The following OS9 variants were observed in gnomAD, a reference collection of about 807,000 sequenced individuals.
OS9 encodes protein OS-9.
OS9 carries 58 observed loss-of-function variants against 84.7 expected under a neutral mutation model. The ratio of observed to expected loss-of-function variants is 0.68; its 90% CI spans 0.55 to 0.85. The LOEUF is 0.85. Among genes scored for constraint, OS9 ranks in the 40% least tolerant of loss-of-function variants. The pLI, the probability that OS9 is intolerant of heterozygous loss-of-function variation, is 0.00. For missense variants in OS9, 760 were observed against 850.9 expected, an observed-to-expected ratio of 0.89 and a Z score of 1.33; for synonymous variants, 278 against 320.8, an observed-to-expected ratio of 0.87 and a Z score of 1.43.
At chr12:57,713,472 C>T (rs906669823) in intron 5 of OS9, among the ~76,000 whole-genome samples, 1 of 152,174 alleles carries the variant, frequency 6.6e-6, no homozygotes, top group Non-Finnish European at 1.5e-5. Flanking sequence ...GAGCAAGCTT[C>T]CGTGAGGGCA....
Position 57,720,126 on chromosome 12 carries a change from T to G in OS9, c.1628T>G (p.Val543Gly). ...GAGGATCCTGAGCACAGAGTCCGGGTCCGGGTCACCAAGCTCCGTCTCGGA... is the reference window on the plus strand; with the variant it reads ...GAGGATCCTGAGCACAGAGTCCGGGGCCGGGTCACCAAGCTCCGTCTCGGA... ...TEEDPEHRVRVRVTKLRLGGP... is the reference protein window; with the variant it reads ...TEEDPEHRVRGRVTKLRLGGP... The change falls in exon 13 of 15, where the codon GTC (valine) becomes GGC (glycine). Residue 543 changes from valine to glycine, a missense_variant. Transcript: ENST00000315970. 6.2e-7 allele frequency: 1 copy of G among 1,613,850 alleles called. No homozygotes were observed. The highest frequency in any genetic ancestry group is 1.7e-5 in the Admixed American group (1 of 59,988).
At chr12:57,719,508 T>C (rs1954614127) in intron 12 of OS9, 1 of 290,590 alleles carries the variant, frequency 3.4e-6, no homozygotes, top group Non-Finnish European at 6.5e-6. Flanking sequence ...GTCTATATGC[T>C]GAAAACCACT....
In OS9 at chr12:57,699,691, G is replaced by A. The variant is rs1460507827; in HGVS notation, c.579+3318G>A. ...GGAAAGTATAAATTCTCTACTTCCA[G>A]GCACCCCTGACCAGTCCTTTGGTTG... On this transcript the variant is annotated intron_variant, in intron 5 of 14. Coordinates refer to ENST00000315970, the MANE Select transcript of OS9 (RefSeq NM_006812.4). 2.0e-5 allele frequency among the ~76,000 whole-genome samples: 3 copies of A among 152,220 alleles called. No homozygotes were observed. In the East Asian group the frequency reaches 5.8e-4, roughly 29 times the overall value.
intron 5 of OS9, among the ~76,000 whole-genome samples, chr12:57,701,701 A>G (rs1954030567): frequency 6.6e-6 from 1 of 152,170 alleles, no homozygotes; most frequent in East Asian, 1.9e-4. Flanking sequence ...TCTTATTGTG[A>G]GTGTACAAGA....
At chr12:57,714,116 A>AG in intron 5 of OS9, among the ~76,000 whole-genome samples, 1 of 152,254 alleles carries the variant, frequency 6.6e-6, no homozygotes, top group East Asian at 1.9e-4. Context: ...GAAAAAAAAA[A>AG]AAAGATTTAG....
intron 12 of OS9, 37 bp downstream of exon 12, chr12:57,719,219 G>A (rs754930650): frequency 6.3e-7 from 1 of 1,581,540 alleles, no homozygotes; most frequent in Non-Finnish European, 8.7e-7. Flanking sequence ...AGCCCAGTCT[G>A]TTGTTTTCAT....
Position 57,719,041 on chromosome 12 carries a change from G to C in OS9, c.1459G>C (p.Asp487His). The change falls in exon 12 of 15, where the codon GAT becomes CAT. Residue 487 changes from aspartate to histidine, a missense_variant. Physicochemically the swap from Asp to His is moderately conservative, Grantham distance 81. Coordinates refer to ENST00000315970, the MANE Select transcript of OS9 (RefSeq NM_006812.4). ...TGGGCTGAAGAAGGAGTCAGAGCGG[G>C]ATCGGGCAATGCTGGCTCTCACATC... is the stretch of plus-strand genomic sequence containing the variant. Reference protein sequence around the residue: ...PDGLKKESERDRAMLALTSTL... With the variant: ...PDGLKKESERHRAMLALTSTL... The C allele has an allele frequency of 6.2e-7, 1 of 1,614,114 alleles. No individual in the cohort carries two copies. The highest frequency in any genetic ancestry group is 8.5e-7 in the Non-Finnish European group (1 of 1,180,010).
At chr12:57,698,601 T>C (rs756660661) in intron 5 of OS9, among the ~76,000 whole-genome samples, 12 of 152,138 alleles carry the variant, frequency 7.9e-5, no homozygotes, top group Non-Finnish European at 1.2e-4. Flanking sequence ...AAAGTGACCT[T>C]TGAACTGACA....
At chr12:57,713,135 C>T (rs761126984) in intron 5 of OS9, among the ~76,000 whole-genome samples, 1 of 152,168 alleles carries the variant, frequency 6.6e-6, no homozygotes, top group Non-Finnish European at 1.5e-5. Context: ...CAAGGTTTAG[C>T]CTGTTGCTAT....
intron 14 of OS9, 23 bp from the exon 15 acceptor site, chr12:57,720,761 C>G: frequency 6.3e-7 from 1 of 1,577,736 alleles, no homozygotes; most frequent in Non-Finnish European, 8.6e-7. Context: ...TAGCTCCAGC[C>G]CACCTCTACC....
intron 5 of OS9, among the ~76,000 whole-genome samples, chr12:57,703,572 G>T (rs1436864728): frequency 1.3e-5 from 2 of 152,078 alleles, no homozygotes; most frequent in African/African-American, 4.8e-5. Context: ...ATATGTGAGG[G>T]TTTATTTCTG....
At chr12:57,696,421 AT>A in intron 5 of OS9, 48 bp downstream of exon 5, 2 of 632,184 alleles carry the variant, frequency 3.2e-6, no homozygotes, top group South Asian at 3.7e-5. Flanking sequence ...GACAGTTCAG[AT>A]TCTAAGGGAA....
Position 57,719,039 on chromosome 12 carries a change from G to A in OS9, c.1457G>A (p.Arg486Gln), listed in dbSNP as rs149638570. The change falls in exon 12 of 15, where the codon CGG becomes CAG. Residue 486 changes from arginine to glutamine, a missense_variant. Arg to Gln is a conservative substitution (Grantham distance 43). Transcript: ENST00000315970. ...GATGGGCTGAAGAAGGAGTCAGAGC[G>A]GGATCGGGCAATGCTGGCTCTCACA... ...DPDGLKKESE[R>Q]DRAMLALTST... 1.6e-5 allele frequency: 26 copies of A among 1,613,926 alleles called. No individual in the cohort carries two copies. Among genetic ancestry groups the A allele is most frequent in the East Asian group, 2.2e-5 (1 of 44,890 alleles).
intron 5 of OS9, among the ~76,000 whole-genome samples, chr12:57,707,199 A>G (rs1339014187): frequency 3.9e-5 from 6 of 152,152 alleles, no homozygotes; most frequent in East Asian, 1.9e-4. Context: ...TATTAGTCCA[A>G]TAACCACCTT....
chr12:57,707,696 G>A (rs544664970), intron 5 of OS9, among the ~76,000 whole-genome samples: 7 of 152,230 alleles, frequency 4.6e-5, no homozygotes, highest in South Asian at 4.1e-4. Flanking sequence ...ACCGTGTCCC[G>A]CCACATGTTC....
chr12:57,694,180 CTGTCCAGTTTGT>C lies in OS9; in HGVS notation c.21_32del (p.Ser8_Leu11del), dbSNP rs1321136362. On this transcript the variant is annotated inframe_deletion, in exon 1 of 15. Transcript: ENST00000315970. Reference sequence around the variant, plus strand: ...ACGAAAGATGGCGGCGGAAACGCTGCTGTCCAGTTTGTTAGGACTGCTGCTTCTGGGACTCCT... The same window carrying C: ...ACGAAAGATGGCGGCGGAAACGCTGCTAGGACTGCTGCTTCTGGGACTCCT... The C allele has an allele frequency of 1.2e-6, 2 of 1,614,090 alleles. No homozygotes were observed. The highest frequency in any genetic ancestry group is 1.7e-6 in the Non-Finnish European group (2 of 1,180,040).
In OS9 at chr12:57,716,435, A is replaced by G. The variant is rs906359501; in HGVS notation, c.916A>G (p.Ser306Gly). The G allele has an allele frequency of 1.3e-6, 2 of 1,563,496 alleles. No individual in the cohort carries two copies. Among genetic ancestry groups the G allele is most frequent in the East Asian group, 2.4e-5 (1 of 42,428 alleles). ...MAGASPTKDD[S>G]KDSDFWKMLN... ...AGGTGCGAGCCCGACCAAGGATGAC[A>G]GTAAGGACTCAGATTTCTGGAAGAT... is the stretch of plus-strand genomic sequence containing the variant. Residue 306 changes from serine to glycine, a missense_variant, in exon 8 of 15, where the codon AGT becomes GGT. Physicochemically the swap from Ser to Gly is moderately conservative, Grantham distance 56. Coordinates refer to ENST00000315970, the MANE Select transcript of OS9 (RefSeq NM_006812.4).
intron 12 of OS9, 68 bp from the exon 13 acceptor site, chr12:57,720,031 A>AC: frequency 4.2e-6 from 6 of 1,429,288 alleles, no homozygotes; most frequent in Non-Finnish European, 5.7e-6. Flanking sequence ...GGGGGAGATG[A>AC]CCCCCACACC....
rs1383404550 is a variant in OS9, at chr12:57,696,457, CGG to C, written c.579+88_579+89del. 23 of 56,886 alleles carry C rather than the reference CGG, an allele frequency of 4.0e-4. 4 individuals carry two copies. The highest frequency in any genetic ancestry group is 1.7e-3 in the African/African-American group (4 of 2,390). The allele number at this position is 56,886 out of a possible 1,614,324, so 3.5% of individuals were successfully genotyped here. A position where few individuals can be genotyped will look rare whatever the true frequency, so the allele number is the denominator to read the frequency against. On this transcript the variant is annotated intron_variant, in intron 5 of 14. Coordinates refer to ENST00000315970, the MANE Select transcript of OS9 (RefSeq NM_006812.4). ...AGAGGGTTGCATCTTATAGTCGGGG[CGG>C]GGGCGGGGGGGGTCCCCTCCCAGAC...
Sources: allele counts gnomAD v4.1 joint callset (sites outside exome capture counted in the v4.1 genomes callset), GRCh38; gene constraint gnomAD v4.1.1; transcripts MANE v1.5; gene names NCBI Gene and HGNC (gene_info 2026-07-23, HGNC 2026-07-21).